UBASH3B: variants seen among roughly 807,000 people sequenced by gnomAD.
UBASH3B encodes the protein ubiquitin associated and SH3 domain containing B, also known as ubiquitin-associated and SH3 domain-containing protein B.
A neutral mutation model predicts 83.4 loss-of-function variants in UBASH3B; 37 were observed. The observed-to-expected ratio is 0.44, with a 90% CI of 0.34 to 0.58. The LOEUF is 0.58. Ranked by LOEUF, UBASH3B falls within the 20% of genes least tolerant of loss-of-function variation. UBASH3B has a pLI of 0.01. For synonymous variants in UBASH3B, 304 were observed against 318.3 expected, an observed-to-expected ratio of 0.96 and a Z score of 0.48; for missense variants, 657 against 827.2, an observed-to-expected ratio of 0.79 and a Z score of 2.52.
At chr11:122,677,096 C>G (rs1388605101) in intron 1 of UBASH3B, among the ~76,000 whole-genome samples, 1 of 152,118 alleles carries the variant, frequency 6.6e-6, no homozygotes, top group Non-Finnish European at 1.5e-5. Flanking sequence ...TGCATGTGTA[C>G]TGAACATGAA....
intron 1 of UBASH3B, among the ~76,000 whole-genome samples, chr11:122,663,730 T>G (rs898111253): frequency 1.3e-5 from 2 of 152,192 alleles, no homozygotes; most frequent in African/African-American, 4.8e-5. Context: ...ATCTGCCCCA[T>G]CCATCCTGCC....
At chr11:122,711,620 T>TGGCCTC (rs1591780887) in intron 1 of UBASH3B, among the ~76,000 whole-genome samples, 1 of 152,228 alleles carries the variant, frequency 6.6e-6, no homozygotes, top group East Asian at 1.9e-4. Flanking sequence ...AGCCTGGCCT[T>TGGCCTC]GGCCTCATTA....
At chr11:122,728,241 C>CTT (rs1860779421) in intron 1 of UBASH3B, among the ~76,000 whole-genome samples, 2 of 152,118 alleles carry the variant, frequency 1.3e-5, no homozygotes, top group Admixed American at 1.3e-4. Flanking sequence ...GAATATTTAG[C>CTT]CGTCCACGTC....
intron 9 of UBASH3B, 127 bp downstream of exon 9, chr11:122,797,160 A>T: frequency 7.6e-7 from 1 of 1,318,202 alleles, no homozygotes; most frequent in African/African-American, 1.5e-5. Context: ...CTCAATTCAA[A>T]AGGAACTTAC....
chr11:122,738,200 C>T (rs994530183), intron 1 of UBASH3B, among the ~76,000 whole-genome samples: 1 of 152,188 alleles, frequency 6.6e-6, no homozygotes, highest in African/African-American at 2.4e-5. Flanking sequence ...TTACACTGAG[C>T]CTCATCCATA....
chr11:122,735,285 C>T (rs1166936230), intron 1 of UBASH3B, among the ~76,000 whole-genome samples: 1 of 152,138 alleles, frequency 6.6e-6, no homozygotes, highest in Admixed American at 6.5e-5. Context: ...GCAGTTCTTA[C>T]ACTAGATGGG....
chr11:122,748,486 C>T (rs1432709474), intron 1 of UBASH3B, among the ~76,000 whole-genome samples: 1 of 152,200 alleles, frequency 6.6e-6, no homozygotes, highest in Non-Finnish European at 1.5e-5. Context: ...GCTTTTCCCT[C>T]AGTGGAAATG....
At position 122,797,052 on chromosome 11, in the gene UBASH3B, C is replaced by T. The variant is rs774318853; in HGVS notation, c.1357+19C>T. Reference sequence around the variant, plus strand: ...CTAGTGGGTAAGTATCCTGGAGTGACTGCACTCCAGGCATTTCTTGCCTCC... The same window carrying T: ...CTAGTGGGTAAGTATCCTGGAGTGATTGCACTCCAGGCATTTCTTGCCTCC... On this transcript the variant is annotated intron_variant, in intron 9 of 13. Transcript: ENST00000284273. The T allele has an allele frequency of 6.3e-7, 1 of 1,576,842 alleles. No individual in the cohort carries two copies. Among genetic ancestry groups the T allele is most frequent in the Non-Finnish European group, 8.6e-7 (1 of 1,162,284 alleles).
intron 1 of UBASH3B, among the ~76,000 whole-genome samples, chr11:122,712,963 A>G (rs1206851113): frequency 3.3e-5 from 4 of 119,876 alleles, no homozygotes; most frequent in Non-Finnish European, 4.7e-5. Flanking sequence ...GCTGGAGTGC[A>G]GTGGTGCGAT....
In UBASH3B at chr11:122,795,990, C is replaced by T. The variant is rs1861148544; in HGVS notation, c.1114-166C>T. Among the ~76,000 whole-genome samples, 3 of 152,188 alleles carry T rather than the reference C, an allele frequency of 2.0e-5. No individual in the cohort carries two copies. The South Asian group carries it at 6.2e-4, about 32-fold the overall frequency. ...AAAGCACATGCAGTTTATCTTATTC[C>T]AGCCTCCAAATAACTTATGAGGTCT... On this transcript the variant is annotated intron_variant, in intron 7 of 13. Transcript: ENST00000284273.
chr11:122,664,338 AGT>A (rs918227985), intron 1 of UBASH3B, among the ~76,000 whole-genome samples: 2 of 152,094 alleles, frequency 1.3e-5, no homozygotes, highest in African/African-American at 4.8e-5. Context: ...TAAGAGAGAG[AGT>A]GGGGAGAAAA....
intron 1 of UBASH3B, among the ~76,000 whole-genome samples, chr11:122,678,344 G>C (rs1863693412): frequency 6.6e-6 from 1 of 152,172 alleles, no homozygotes; most frequent in Non-Finnish European, 1.5e-5. Context: ...TCACAATGGG[G>C]ACCATCCTCT....
intron 1 of UBASH3B, among the ~76,000 whole-genome samples, chr11:122,741,632 C>T (rs755605873): frequency 1.3e-5 from 2 of 152,112 alleles, no homozygotes; most frequent in African/African-American, 2.4e-5. Flanking sequence ...TATGAGGCCC[C>T]GTGATGCTTT....
Position 122,759,293 on chromosome 11 carries a change from C to G in UBASH3B, c.162-16926C>G, listed in dbSNP as rs1275191491. 6.6e-6 allele frequency among the ~76,000 whole-genome samples: 1 copy of G among 152,204 alleles called. No homozygotes were observed. Among genetic ancestry groups the G allele is most frequent in the East Asian group, 1.9e-4 (1 of 5,200 alleles). On this transcript the variant is annotated intron_variant, in intron 1 of 13. Coordinates refer to ENST00000284273, the MANE Select transcript of UBASH3B (RefSeq NM_032873.5). The surrounding 1 kb of genome is among the most constrained non-coding windows in gnomAD (Gnocchi z 4.1). ...CTTTTCATAGGCAGTCCACAACATG[C>G]TGCTTCTCCTTGGCCAGCAGGAAAG...
At chr11:122,756,197 A>G (rs1861280056) in intron 1 of UBASH3B, among the ~76,000 whole-genome samples, 1 of 152,222 alleles carries the variant, frequency 6.6e-6, no homozygotes, top group Non-Finnish European at 1.5e-5. Context: ...ACAACCATGG[A>G]GAGTTACCTA....
At chr11:122,680,480 T>G (rs1863723582) in intron 1 of UBASH3B, among the ~76,000 whole-genome samples, 1 of 152,210 alleles carries the variant, frequency 6.6e-6, no homozygotes, top group Non-Finnish European at 1.5e-5. Context: ...TTTTTGTTTT[T>G]GAAACGGAGT....
intron 1 of UBASH3B, among the ~76,000 whole-genome samples, chr11:122,707,301 A>G (rs976963337): frequency 1.3e-5 from 2 of 152,144 alleles, no homozygotes; most frequent in East Asian, 3.9e-4. Flanking sequence ...CCTACTCTGC[A>G]GGCTTTTCCA....
intron 1 of UBASH3B, among the ~76,000 whole-genome samples, chr11:122,675,792 A>C (rs1034865634): frequency 1.3e-5 from 2 of 152,188 alleles, no homozygotes; most frequent in African/African-American, 4.8e-5. Context: ...GCACCTGCTG[A>C]AGGCAGAGCC....
intron 4 of UBASH3B, among the ~76,000 whole-genome samples, chr11:122,781,860 G>C (rs959135629): frequency 6.6e-6 from 1 of 152,190 alleles, no homozygotes; most frequent in Non-Finnish European, 1.5e-5. Flanking sequence ...GTGTAAGCGA[G>C]AGACAAAAAC....
Sources: gnomAD v4.1 joint callset for allele counts (sites outside exome capture counted in the v4.1 genomes callset) on GRCh38, gnomAD v4.1.1 for gene constraint, Gnocchi (gnomAD v3.1) non-coding constraint, MANE v1.5 for transcripts, NCBI Gene and HGNC (gene_info 2026-07-23, HGNC 2026-07-21) for gene names.